The following CNOT6 variants were observed in gnomAD, a reference collection of about 807,000 sequenced individuals.
CNOT6 encodes the protein carbon catabolite repression 4 protein.
Under a neutral mutation model 61.2 loss-of-function variants are expected in CNOT6, and 12 were observed. The observed-to-expected ratio is 0.20, with a 90% CI of 0.13 to 0.32. The LOEUF (loss-of-function observed/expected upper bound fraction) is 0.32. Ranked by LOEUF, CNOT6 falls within the 10% of genes least tolerant of loss-of-function variation. CNOT6 has a pLI of 1.00. For missense variants in CNOT6, 405 were observed against 663.9 expected, an observed-to-expected ratio of 0.61 and a Z score of 4.28; for synonymous variants, 225 against 240.6, an observed-to-expected ratio of 0.94 and a Z score of 0.60.
At chr5:180,541,101 C>T (rs980374993) in intron 2 of CNOT6, among the ~76,000 whole-genome samples, 10 of 151,156 alleles carry the variant, frequency 6.6e-5, no homozygotes, top group South Asian at 2.1e-4. Flanking sequence ...TCATATGTTT[C>T]GGTACTTTAT....
At chr5:180,495,176 T>C (rs1756547971) in intron 1 of CNOT6, among the ~76,000 whole-genome samples, 1 of 152,184 alleles carries the variant, frequency 6.6e-6, no homozygotes, top group South Asian at 2.1e-4. Context: ...AGCTTCGCGC[T>C]CCGTGGCCAC....
In CNOT6 at chr5:180,529,293, A is replaced by C. The variant is rs759938439; in HGVS notation, c.17A>C (p.Tyr6Ser). 2.9e-5 allele frequency: 47 copies of C among 1,611,470 alleles called. No individual in the cohort carries two copies. Among genetic ancestry groups the C allele is most frequent in the Non-Finnish European group, 3.9e-5 (46 of 1,178,000 alleles). MPKEKYEPPDPRRMYT... is the reference protein window; with the variant it reads MPKEKSEPPDPRRMYT... Reference sequence around the variant, plus strand: ...TTAACAGGCATGCCCAAAGAAAAATACGAGCCCCCTGACCCTCGGAGGATG... The same window carrying C: ...TTAACAGGCATGCCCAAAGAAAAATCCGAGCCCCCTGACCCTCGGAGGATG... The change falls in exon 2 of 12, where the codon TAC becomes TCC. Residue 6 changes from tyrosine to serine, a missense_variant. Transcript: ENST00000261951.
At chr5:180,528,841 A>T (rs931777500) in intron 1 of CNOT6, among the ~76,000 whole-genome samples, 1 of 152,086 alleles carries the variant, frequency 6.6e-6, no homozygotes, top group African/African-American at 2.4e-5. Context: ...CTGTGCTTGG[A>T]ATAATCAATT....
chr5:180,555,992 T>G (rs942992896), intron 4 of CNOT6, among the ~76,000 whole-genome samples: 1 of 152,202 alleles, frequency 6.6e-6, no homozygotes, highest in African/African-American at 2.4e-5. Context: ...CTTTTTTTCC[T>G]TAAACTGTTT....
At chr5:180,516,301 C>A (rs1184760367) in intron 1 of CNOT6, among the ~76,000 whole-genome samples, 1 of 150,944 alleles carries the variant, frequency 6.6e-6, no homozygotes, top group Non-Finnish European at 1.5e-5. Context: ...CTGCCTCAGC[C>A]TCCGAGTAGC....
At chr5:180,553,498 A>T in intron 4 of CNOT6, 27 bp downstream of exon 4, 1 of 1,549,140 alleles carries the variant, frequency 6.5e-7, no homozygotes, top group Non-Finnish European at 8.9e-7. Context: ...TGTACTTCTT[A>T]TGGTTTGTGT....
At chr5:180,503,311 T>G (rs1756968868) in intron 1 of CNOT6, among the ~76,000 whole-genome samples, 1 of 150,836 alleles carries the variant, frequency 6.6e-6, no homozygotes, top group African/African-American at 2.4e-5. Flanking sequence ...TAGCCCAGGC[T>G]GGAATGCAGT....
intron 2 of CNOT6, among the ~76,000 whole-genome samples, chr5:180,533,311 C>CATATATATATATATATATATATAT (rs1305701783): frequency 7.7e-5 from 5 of 65,220 alleles, no homozygotes; most frequent in African/African-American, 1.7e-4. Flanking sequence ...TGGATGAAAA[C>CATATATATATATATATATATATAT]CTATATATAT....
intron 2 of CNOT6, among the ~76,000 whole-genome samples, chr5:180,532,337 C>G (rs1233156554): frequency 1.3e-5 from 2 of 152,118 alleles, no homozygotes; most frequent in Non-Finnish European, 2.9e-5. Flanking sequence ...CGCAAGAAAG[C>G]ACTCAGGTCA....
chr5:180,567,985 G>C lies in CNOT6; in HGVS notation c.1009G>C (p.Glu337Gln). Residue 337 changes from glutamate to glutamine, a missense_variant, in exon 9 of 12, where the codon GAA becomes CAA. Glu to Gln is a conservative substitution (Grantham distance 29). Transcript: ENST00000261951. ...TGCAGTACTGCTAGAACTTCGGAAG[G>C]AATCGATTGAAATGCCGTGTGAGTG... is the stretch of plus-strand genomic sequence containing the variant. Reference protein sequence around the residue: ...GVAVLLELRKESIEMPSGKPH... With the variant: ...GVAVLLELRKQSIEMPSGKPH... 6.2e-7 allele frequency: 1 copy of C among 1,607,434 alleles called. No individual in the cohort carries two copies. The highest frequency in any genetic ancestry group is 8.5e-7 in the Non-Finnish European group (1 of 1,174,802).
chr5:180,541,919 A>G (rs1355680016), intron 2 of CNOT6, among the ~76,000 whole-genome samples: 3 of 151,080 alleles, frequency 2.0e-5, no homozygotes, highest in Admixed American at 6.6e-5. Flanking sequence ...TACAGGCACT[A>G]TTGTGATACA....
chr5:180,535,307 C>G (rs1758627837), intron 2 of CNOT6, among the ~76,000 whole-genome samples: 1 of 152,176 alleles, frequency 6.6e-6, no homozygotes, highest in African/African-American at 2.4e-5. Flanking sequence ...ACTTTTTCAC[C>G]TTTTTCGCCC....
chr5:180,525,811 G>A lies in CNOT6; in HGVS notation c.-2-3464G>A, dbSNP rs144412244. ...ACCGATATCCTGGAAGCCAAGCAGT[G>A]TGTTTCTAGGCGGGGGCGATCATCT... On this transcript the variant is annotated intron_variant, in intron 1 of 11. Coordinates refer to ENST00000261951, the MANE Select transcript of CNOT6 (RefSeq NM_001370472.1). 3.3e-5 allele frequency among the ~76,000 whole-genome samples: 5 copies of A among 152,264 alleles called. No individual in the cohort carries two copies. In the East Asian group the frequency reaches 5.8e-4, roughly 18 times the overall value.
intron 4 of CNOT6, among the ~76,000 whole-genome samples, chr5:180,562,584 C>G (rs570012942): frequency 6.6e-6 from 1 of 151,928 alleles, no homozygotes; most frequent in Non-Finnish European, 1.5e-5. Context: ...ACTAAAAATA[C>G]AAAAAATTAG....
intron 2 of CNOT6, among the ~76,000 whole-genome samples, chr5:180,529,590 C>T (rs1188640629): frequency 6.6e-6 from 1 of 152,146 alleles, no homozygotes; most frequent in Admixed American, 6.5e-5. Flanking sequence ...AGTTCAAAAG[C>T]CATTCATTGA....
At chr5:180,530,677 C>CA (rs1261072179) in intron 2 of CNOT6, among the ~76,000 whole-genome samples, 7 of 151,552 alleles carry the variant, frequency 4.6e-5, no homozygotes, top group African/African-American at 1.7e-4. Context: ...AACATGTGAA[C>CA]AAGGGTCTCT....
chr5:180,571,268 A>G lies in CNOT6; in HGVS notation c.1297A>G (p.Asn433Asp). The G allele has an allele frequency of 6.2e-7, 1 of 1,614,196 alleles. No individual in the cohort carries two copies. The highest frequency in any genetic ancestry group is 2.2e-5 in the East Asian group (1 of 44,888). ...EYLSTGGVET[N>D]HKDFKELRYN... The stretch of plus-strand genomic sequence containing the variant: ...TTTGAGCACAGGTGGAGTAGAAACA[A>G]ATCACAAAGACTTTAAGGAGTTGAG... Residue 433 changes from asparagine to aspartate, a missense_variant, in exon 11 of 12, where the codon AAT (asparagine) becomes GAT (aspartate). Physicochemically the swap from Asn to Asp is conservative, Grantham distance 23. Coordinates refer to ENST00000261951, the MANE Select transcript of CNOT6 (RefSeq NM_001370472.1).
At chr5:180,503,366 C>T (rs890518148) in intron 1 of CNOT6, among the ~76,000 whole-genome samples, 2 of 150,882 alleles carry the variant, frequency 1.3e-5, no homozygotes, top group Admixed American at 6.6e-5. Context: ...TGGGTTCAAG[C>T]GATTCTCCAG....
At position 180,575,989 on chromosome 5, in the gene CNOT6, TG is replaced by T. The variant is rs1760985311; in HGVS notation, c.*1790del. The T allele has an allele frequency of 6.6e-6, 1 of 152,600 alleles. No individual in the cohort carries two copies. Among genetic ancestry groups the T allele is most frequent in the Admixed American group, 6.5e-5 (1 of 15,276 alleles). 9.5% of individuals were successfully genotyped at this position (152,600 alleles called of 1,614,324 possible). On this transcript the variant is annotated 3_prime_UTR_variant, in exon 12 of 12. Coordinates refer to ENST00000261951, the MANE Select transcript of CNOT6 (RefSeq NM_001370472.1). ...TTTCCTTTGAGGGTTTTTTGTTTTT[TG>T]TTTTTTCTAGGATTTCATTGTGATG...
Sources: gnomAD v4.1 joint callset for allele counts (sites outside exome capture counted in the v4.1 genomes callset) on GRCh38, gnomAD v4.1.1 for gene constraint, MANE v1.5 for transcripts, NCBI Gene and HGNC (gene_info 2026-07-23, HGNC 2026-07-21) for gene names.